The following BRSK1 variants were observed in gnomAD, a reference collection of about 807,000 sequenced individuals.
The protein encoded by BRSK1 is serine/threonine-protein kinase BRSK1.
A neutral mutation model predicts 86.2 loss-of-function variants in BRSK1; 17 were observed. The ratio of observed to expected loss-of-function variants is 0.20; its 90% CI spans 0.14 to 0.30. The LOEUF is 0.30. BRSK1 is among the 10% of genes least tolerant of loss of function. The pLI, the probability that BRSK1 is intolerant of heterozygous loss-of-function variation, is 1.00. For missense variants in BRSK1, 719 were observed against 1,071.9 expected, an observed-to-expected ratio of 0.67 and a Z score of 4.60; for synonymous variants, 464 against 440.1, an observed-to-expected ratio of 1.05 and a Z score of -0.68.
intron 7 of BRSK1, among the ~76,000 whole-genome samples, chr19:55,298,239 A>C (rs1480242516): frequency 2.1e-5 from 1 of 47,228 alleles, no homozygotes; most frequent in Non-Finnish European, 3.9e-5. Context: ...TTTTTTTGAG[A>C]TGAAGTCTTA....
At position 55,288,704 on chromosome 19, in the gene BRSK1, G is replaced by A. The variant is rs1014702061; in HGVS notation, c.318-776G>A. Among the ~76,000 whole-genome samples, 4 of 151,938 alleles carry A rather than the reference G, an allele frequency of 2.6e-5. No homozygotes were observed. In the South Asian group the frequency reaches 8.3e-4, roughly 32 times the overall value. ...GGGTTCAAGTGATTCTCCTGCGTCA[G>A]CCTCCCGAGTGGCTGGGATTACAGG... On this transcript the variant is annotated intron_variant, in intron 3 of 18. Transcript: ENST00000309383.
rs1037767268 is a variant in BRSK1 at position 55,310,728 on chromosome 19, G to A, written c.2180-1183G>A. Among the ~76,000 whole-genome samples, 2 of 152,146 alleles carry A rather than the reference G, an allele frequency of 1.3e-5. No homozygotes were observed. The highest frequency in any genetic ancestry group is 4.8e-5 in the African/African-American group (2 of 41,424). ...CAAATGGCAGTCGTGCTGAGGTGCAGAAACCCTCTTTTCTCATGGTTGCTA... is the reference window on the plus strand; with the variant it reads ...CAAATGGCAGTCGTGCTGAGGTGCAAAAACCCTCTTTTCTCATGGTTGCTA... On this transcript the variant is annotated intron_variant, in intron 18 of 18. Coordinates refer to ENST00000309383, the MANE Select transcript of BRSK1 (RefSeq NM_032430.2). This position sits in a 1 kb window ranked among gnomAD's most constrained non-coding sequence, Gnocchi z 5.0.
In BRSK1 at chr19:55,306,240, T is replaced by C; in HGVS notation, c.1891-12T>C. Reference sequence around the variant, plus strand: ...CTGGGCTCACCCCTTCCTGTGTTCCTACCTCGCTCAGATCCCCAGCCTGAG... The same window carrying C: ...CTGGGCTCACCCCTTCCTGTGTTCCCACCTCGCTCAGATCCCCAGCCTGAG... On this transcript the variant is annotated splice_polypyrimidine_tract_variant and intron_variant, in intron 16 of 18. Coordinates refer to ENST00000309383, the MANE Select transcript of BRSK1 (RefSeq NM_032430.2). The surrounding 1 kb of genome is among the most constrained non-coding windows in gnomAD (Gnocchi z 4.7). 1.9e-6 allele frequency: 3 copies of C among 1,613,666 alleles called. No individual in the cohort carries two copies. The highest frequency in any genetic ancestry group is 2.5e-6 in the Non-Finnish European group (3 of 1,179,922).
At chr19:55,301,960 C>A in intron 8 of BRSK1, 177 bp from the exon 9 acceptor site, 1 of 867,228 alleles carries the variant, frequency 1.2e-6, no homozygotes, top group South Asian at 1.4e-5. Flanking sequence ...GGAGACCGCG[C>A]GTGCGCGGGG....
Position 55,312,055 on chromosome 19 carries a change from C to T in BRSK1, c.2324C>T (p.Thr775Ile), listed in dbSNP as rs1244846157. 8.3e-6 allele frequency: 12 copies of T among 1,453,786 alleles called. No homozygotes were observed. The highest frequency in any genetic ancestry group is 1.5e-5 in the African/African-American group (1 of 68,730). 90.1% of individuals were successfully genotyped at this position (1,453,786 alleles called of 1,614,324 possible). A position where few individuals can be genotyped will look rare whatever the true frequency, so the allele number is the denominator to read the frequency against. Reference protein sequence around the residue: ...KDKKLLATNGTPLP With the variant: ...KDKKLLATNGIPLP Reference sequence around the variant, plus strand: ...AAGAAGCTCCTGGCCACCAACGGGACCCCTCTGCCCTGACCCCACGGGGCC... The same window carrying T: ...AAGAAGCTCCTGGCCACCAACGGGATCCCTCTGCCCTGACCCCACGGGGCC... Residue 775 changes from threonine (T) to isoleucine (I), a missense_variant, in exon 19 of 19, where the codon ACC (threonine) becomes ATC (isoleucine). Thr to Ile is a moderately conservative substitution (Grantham distance 89). This residue lies in a region of BRSK1 where 82 missense variants were observed against 72.6 expected (regional missense o/e 1.13). Coordinates refer to ENST00000309383, the MANE Select transcript of BRSK1 (RefSeq NM_032430.2).
chr19:55,311,921 C>T lies in BRSK1; in HGVS notation c.2190C>T (p.Asn730=), dbSNP rs1221252325. 12 of 1,611,608 alleles carry T rather than the reference C, an allele frequency of 7.4e-6. No homozygotes were observed. The highest frequency in any genetic ancestry group is 1.6e-4 in the Middle Eastern group (1 of 6,068). The change falls in exon 19 of 19, where the codon AAC becomes AAT. Residue 730 remains asparagine (N), a synonymous_variant. Transcript: ENST00000309383. The part of the protein sequence containing the change: ...PSVQALADEK[N]GAQTRPAGAP... Reference sequence around the variant, plus strand: ...CTTCCTCCCTTGCAGACGAGAAGAACGGGGCCCAGACCCGGCCTGCTGGTG... The same window carrying T: ...CTTCCTCCCTTGCAGACGAGAAGAATGGGGCCCAGACCCGGCCTGCTGGTG...
intron 8 of BRSK1, chr19:55,301,918 C>T: frequency 1.3e-6 from 1 of 783,690 alleles, no homozygotes; most frequent in African/African-American, 1.7e-5. Flanking sequence ...ACTGCGCATG[C>T]GGCAAAGTAA....
In BRSK1 at chr19:55,287,121, T is replaced by C. The variant is rs567004778; in HGVS notation, c.231+20T>C. 1 of 1,384,936 alleles carries C rather than the reference T, an allele frequency of 7.2e-7. No homozygotes were observed. The highest frequency in any genetic ancestry group is 1.0e-6 in the Non-Finnish European group (1 of 1,004,888). The allele number at this position is 1,384,936 out of a possible 1,614,324, so 85.8% of individuals were successfully genotyped here. A position where few individuals can be genotyped will look rare whatever the true frequency, so the allele number is the denominator to read the frequency against. On this transcript the variant is annotated intron_variant, in intron 2 of 18. Coordinates refer to ENST00000309383, the MANE Select transcript of BRSK1 (RefSeq NM_032430.2). The surrounding 1 kb of genome is among the most constrained non-coding windows in gnomAD (Gnocchi z 5.3). ...ATGAAGGTGTGTGCGCCTGCTGCAG[T>C]GTGCCTGCGGGTGGGGGGGCCTCCG... is the stretch of plus-strand genomic sequence containing the variant.
Position 55,304,873 on chromosome 19 carries a change from G to A in BRSK1, c.1670G>A (p.Arg557His), listed in dbSNP as rs777356742. 1 of 1,609,658 alleles carries A rather than the reference G, an allele frequency of 6.2e-7. No individual in the cohort carries two copies. The highest frequency in any genetic ancestry group is 2.2e-5 in the East Asian group (1 of 44,878). Residue 557 changes from arginine (R) to histidine (H), a missense_variant, in exon 14 of 19, where the codon CGC becomes CAC. Transcript: ENST00000309383. This position sits in a 1 kb window ranked among gnomAD's most constrained non-coding sequence, Gnocchi z 5.2. The stretch of plus-strand genomic sequence containing the variant: ...TGGAGGAGTCGTCTCAACTCCATCC[G>A]CAACAGCTTCCTGGGCTCCCCTCGC... ...AAWRSRLNSI[R>H]NSFLGSPRFH...
Position 55,289,470 on chromosome 19 carries a change from T to TATCC in BRSK1, c.318-9_318-6dup. 2 of 1,609,916 alleles carry TATCC rather than the reference T, an allele frequency of 1.2e-6. No homozygotes were observed. The highest frequency in any genetic ancestry group is 1.7e-6 in the Non-Finnish European group (2 of 1,178,066). On this transcript the variant is annotated splice_polypyrimidine_tract_variant and intron_variant, in intron 3 of 18. Coordinates refer to ENST00000309383, the MANE Select transcript of BRSK1 (RefSeq NM_032430.2). Reference sequence around the variant, plus strand: ...CCCTTCCAGCCCTCTGCCCCCTCTATATCCTTTAGGTACCTGGTTCTGGAG... The same window carrying TATCC: ...CCCTTCCAGCCCTCTGCCCCCTCTATATCCATCCTTTAGGTACCTGGTTCTGGAG...
At position 55,302,082 on chromosome 19, in the gene BRSK1, C is replaced by G. The variant is rs2088579594; in HGVS notation, c.826-55C>G. Reference sequence around the variant, plus strand: ...AACCACCCCAGTCTTTCATTGCGCGCCTACATGTGCCTACGACCTCACTTC... The same window carrying G: ...AACCACCCCAGTCTTTCATTGCGCGGCTACATGTGCCTACGACCTCACTTC... On this transcript the variant is annotated intron_variant, in intron 8 of 18. Transcript: ENST00000309383. The surrounding 1 kb of genome is among the most constrained non-coding windows in gnomAD (Gnocchi z 6.3). The G allele has an allele frequency of 1.2e-5, 20 of 1,607,502 alleles. No homozygotes were observed. The highest frequency in any genetic ancestry group is 1.7e-5 in the Non-Finnish European group (20 of 1,173,946).
At chr19:55,289,724 A>C (rs1457959830) in intron 4 of BRSK1, 104 bp downstream of exon 4, 27 of 1,426,688 alleles carry the variant, frequency 1.9e-5, no homozygotes, top group East Asian at 2.4e-5. Flanking sequence ...TCGGCCCCCA[A>C]ACCTTTATCC....
At position 55,287,134 on chromosome 19, in the gene BRSK1, G is replaced by A. The variant is rs376192653; in HGVS notation, c.231+33G>A. 13 of 1,610,772 alleles carry A rather than the reference G, an allele frequency of 8.1e-6. No homozygotes were observed. Among genetic ancestry groups the A allele is most frequent in the South Asian group, 5.5e-5 (5 of 91,022 alleles). ...CGCCTGCTGCAGTGTGCCTGCGGGT[G>A]GGGGGGCCTCCGGGGCTGAGGGCAG... On this transcript the variant is annotated intron_variant, in intron 2 of 18. Coordinates refer to ENST00000309383, the MANE Select transcript of BRSK1 (RefSeq NM_032430.2). The surrounding 1 kb of genome is among the most constrained non-coding windows in gnomAD (Gnocchi z 5.3).
chr19:55,298,962 G>A (rs759654939), intron 7 of BRSK1, among the ~76,000 whole-genome samples: 5 of 152,100 alleles, frequency 3.3e-5, no homozygotes, highest in East Asian at 1.9e-4. Context: ...AGCTGGGTGC[G>A]GTGGCTCACG....
intron 7 of BRSK1, among the ~76,000 whole-genome samples, chr19:55,300,925 C>T (rs1180519513): frequency 2.0e-5 from 3 of 152,200 alleles, no homozygotes; most frequent in Admixed American, 6.5e-5. Context: ...CCTTCCTTGC[C>T]TCTCCTAGCT....
chr19:55,310,302 G>A lies in BRSK1; in HGVS notation c.2179+1574G>A, dbSNP rs1422065581. The stretch of plus-strand genomic sequence containing the variant: ...TCCTTGTGTGTTCCAGTTCCTAGGC[G>A]CTCTGGTTAAGGCCCGTTCCTCCAT... On this transcript the variant is annotated intron_variant, in intron 18 of 18. Coordinates refer to ENST00000309383, the MANE Select transcript of BRSK1 (RefSeq NM_032430.2). The surrounding 1 kb of genome is among the most constrained non-coding windows in gnomAD (Gnocchi z 5.0). Among the ~76,000 whole-genome samples the A allele has an allele frequency of 3.3e-5, 5 of 152,110 alleles. No individual in the cohort carries two copies. The highest frequency in any genetic ancestry group is 7.4e-5 in the Non-Finnish European group (5 of 68,022).
At chr19:55,305,231 A>G in intron 14 of BRSK1, 90 bp from the exon 15 acceptor site, 3 of 1,531,850 alleles carry the variant, frequency 2.0e-6, no homozygotes, top group South Asian at 1.2e-5. Flanking sequence ...AAGGCTCTGG[A>G]ACCCTGGGAG....
rs1419674879 is a variant in BRSK1 at position 55,310,199 on chromosome 19, C to T, written c.2179+1471C>T. ...GTGATTTTCGTACAGTCCTGGAGGTCAGAAGTCCCACATGGTCTCTGCAGG... is the reference window on the plus strand; with the variant it reads ...GTGATTTTCGTACAGTCCTGGAGGTTAGAAGTCCCACATGGTCTCTGCAGG... On this transcript the variant is annotated intron_variant, in intron 18 of 18. Coordinates refer to ENST00000309383, the MANE Select transcript of BRSK1 (RefSeq NM_032430.2). The surrounding 1 kb of genome is among the most constrained non-coding windows in gnomAD (Gnocchi z 5.0). Among the ~76,000 whole-genome samples the T allele has an allele frequency of 1.3e-5, 2 of 152,178 alleles. No individual in the cohort carries two copies. The highest frequency in any genetic ancestry group is 2.9e-5 in the Non-Finnish European group (2 of 68,018).
rs372052269 is a variant in BRSK1 at position 55,312,533 on chromosome 19, C to CAAAAAAAA, written c.*487_*494dup. 2.7e-4 allele frequency: 7 copies of CAAAAAAAA among 25,732 alleles called. No individual in the cohort carries two copies. Among genetic ancestry groups the CAAAAAAAA allele is most frequent in the Admixed American group, 6.9e-4 (1 of 1,456 alleles). 1.6% of individuals were successfully genotyped at this position (25,732 alleles called of 1,614,324 possible). A position where few individuals can be genotyped will look rare whatever the true frequency, so the allele number is the denominator to read the frequency against. On this transcript the variant is annotated 3_prime_UTR_variant, in exon 19 of 19. Transcript: ENST00000309383. ...TCCGTGTCTCTGATTCCGCCGGCGG[C>CAAAAAAAA]AAAAAAAAAAAAAAAAAAAAAAAAA...
Sources: gnomAD v4.1 joint callset for allele counts (sites outside exome capture counted in the v4.1 genomes callset) on GRCh38, gnomAD v4.1.1 for gene constraint, gnomAD v4.1.1 regional missense constraint, Gnocchi (gnomAD v3.1) non-coding constraint, MANE v1.5 for transcripts, NCBI Gene and HGNC (gene_info 2026-07-23, HGNC 2026-07-21) for gene names.